Variants in MAN1C1 observed in about 807,000 individuals in gnomAD.
MAN1C1 encodes mannosidase alpha class 1C member 1, also known as mannosyl-oligosaccharide 1,2-alpha-mannosidase IC.
MAN1C1 carries 49 observed loss-of-function variants against 71.5 expected under a neutral mutation model. The ratio of observed to expected loss-of-function variants is 0.69; its 90% CI spans 0.54 to 0.87. The LOEUF is 0.87. Among genes scored for constraint, MAN1C1 ranks in the 40% least tolerant of loss-of-function variants. The pLI is 0.00. For missense variants in MAN1C1, 743 were observed against 835.0 expected (o/e 0.89, Z 1.36); for synonymous variants, 352 against 343.7 (o/e 1.02, Z -0.27).
In MAN1C1 at chr1:25,643,599, T is replaced by TTATTTATTAC. The variant is rs1182236277; in HGVS notation, c.540+25266_540+25267insTATTACTATT. 2.8e-5 allele frequency among the ~76,000 whole-genome samples: 4 copies of TTATTTATTAC among 144,746 alleles called. No homozygotes were observed. The East Asian group carries it at 8.1e-4, about 29-fold the overall frequency. 95.0% of individuals were successfully genotyped at this position (144,746 alleles called of 152,430 possible). On this transcript the variant is annotated intron_variant, in intron 1 of 11. Transcript: ENST00000374332. ...TATATATATATATTTATTATTATTA[T>TTATTTATTAC]TATTATTATTATTATTTGCCTCAGC... is the stretch of plus-strand genomic sequence containing the variant.
At position 25,779,011 on chromosome 1, in the gene MAN1C1, C is replaced by G. The variant is rs1380729408; in HGVS notation, c.1477+687C>G. Among the ~76,000 whole-genome samples, 1 of 152,202 alleles carries G rather than the reference C, an allele frequency of 6.6e-6. No homozygotes were observed. The highest frequency in any genetic ancestry group is 2.4e-5 in the African/African-American group (1 of 41,456). On this transcript the variant is annotated intron_variant, in intron 9 of 11. Transcript: ENST00000374332. This position sits in a 1 kb window ranked among gnomAD's most constrained non-coding sequence, Gnocchi z 4.6. ...CTGCACATGAGGAATTGATCCTGGG[C>G]TGGAACCCAGGCCTTCTGATGCCTG...
chr1:25,702,273 C>T (rs773082535), intron 2 of MAN1C1, among the ~76,000 whole-genome samples: 6 of 152,146 alleles, frequency 3.9e-5, no homozygotes, highest in Non-Finnish European at 7.3e-5. Flanking sequence ...GACAGCAGGG[C>T]CCACATCGCC....
At chr1:25,742,515 G>T (rs913216760) in intron 2 of MAN1C1, among the ~76,000 whole-genome samples, 1 of 152,180 alleles carries the variant, frequency 6.6e-6, no homozygotes, top group African/African-American at 2.4e-5. Context: ...CGGGAATGTA[G>T]TTGCACCCCA....
At chr1:25,644,255 G>A (rs373630135) in intron 1 of MAN1C1, among the ~76,000 whole-genome samples, 15 of 152,100 alleles carry the variant, frequency 9.9e-5, no homozygotes, top group East Asian at 5.8e-4. Context: ...AGAAAGCTCC[G>A]TGTACTGAGT....
chr1:25,752,078 G>A (rs2124351348), intron 4 of MAN1C1, among the ~76,000 whole-genome samples: 1 of 152,300 alleles, frequency 6.6e-6, no homozygotes, highest in South Asian at 2.1e-4. Flanking sequence ...TTCAGAGGGA[G>A]ACCCCCTGCT....
chr1:25,717,060 C>T (rs1212196582), intron 2 of MAN1C1, among the ~76,000 whole-genome samples: 1 of 152,076 alleles, frequency 6.6e-6, no homozygotes, highest in African/African-American at 2.4e-5. Flanking sequence ...TTATTTTTTC[C>T]ATTTGGCAAT....
intron 1 of MAN1C1, among the ~76,000 whole-genome samples, chr1:25,668,673 A>G (rs1161644076): frequency 6.6e-6 from 1 of 151,058 alleles, no homozygotes; most frequent in Non-Finnish European, 1.5e-5. Context: ...CTCCTGCCTC[A>G]GCCTCCCGAG....
At chr1:25,744,821 C>A (rs977998102) in intron 2 of MAN1C1, among the ~76,000 whole-genome samples, 2 of 152,210 alleles carry the variant, frequency 1.3e-5, no homozygotes, top group Non-Finnish European at 2.9e-5. Context: ...CCGCAAAGCC[C>A]ACGCTGCAGA....
chr1:25,683,220 C>T (rs1429274926), intron 1 of MAN1C1, among the ~76,000 whole-genome samples: 1 of 152,090 alleles, frequency 6.6e-6, no homozygotes, highest in African/African-American at 2.4e-5. Flanking sequence ...TTCTTGTGCC[C>T]CTCATAGTCC....
rs1199650464 is a variant in MAN1C1, at chr1:25,730,947, GCT to G, written c.638-15720_638-15719del. Among the ~76,000 whole-genome samples, 1 of 152,202 alleles carries G rather than the reference GCT, an allele frequency of 6.6e-6. No individual in the cohort carries two copies. The highest frequency in any genetic ancestry group is 1.5e-5 in the Non-Finnish European group (1 of 68,036). ...TTAAGTCATTTGGCTGTGGTCACAGGCTGGTAAGCCACAGAGCCAAGGCACAT... is the reference window on the plus strand; with the variant it reads ...TTAAGTCATTTGGCTGTGGTCACAGGGGTAAGCCACAGAGCCAAGGCACAT... On this transcript the variant is annotated intron_variant, in intron 2 of 11. Transcript: ENST00000374332. The surrounding 1 kb of genome is among the most constrained non-coding windows in gnomAD (Gnocchi z 4.3).
In MAN1C1 at chr1:25,771,658, C is replaced by T; in HGVS notation, c.1143C>T (p.His381=). 1 of 1,610,094 alleles carries T rather than the reference C, an allele frequency of 6.2e-7. No individual in the cohort carries two copies. The highest frequency in any genetic ancestry group is 8.5e-7 in the Non-Finnish European group (1 of 1,176,356). ...TTCTTGTCCTCTTTCCCTTCACAGA[C>T]CATGTCTCAGTTGGAGGACTCGGGG... The part of the protein sequence containing the change: ...LSPVSGNWVQ[H]HVSVGGLGDS... Residue 381 remains histidine, a splice_region_variant and synonymous_variant, in exon 8 of 12, where the codon CAC becomes CAT. Transcript: ENST00000374332.
intron 6 of MAN1C1, 170 bp downstream of exon 6, chr1:25,758,879 A>C: frequency 1.6e-6 from 1 of 627,066 alleles, no homozygotes. Context: ...CCTATACCCC[A>C]ACGCCAGGTG....
At chr1:25,691,376 ATGC>A (rs2046306876) in intron 2 of MAN1C1, among the ~76,000 whole-genome samples, 3 of 152,334 alleles carry the variant, frequency 2.0e-5, no homozygotes, top group African/African-American at 7.2e-5. Context: ...TTGCATGTGC[ATGC>A]TGCTTTGCCA....
Position 25,769,390 on chromosome 1 carries a change from T to C in MAN1C1, c.1142-2267T>C, listed in dbSNP as rs1161118422. The stretch of plus-strand genomic sequence containing the variant: ...ACTCACCCCACACCCCATACATACA[T>C]ACACACACACACACACACAAGCTGT... On this transcript the variant is annotated intron_variant, in intron 7 of 11. Transcript: ENST00000374332. This position sits in a 1 kb window ranked among gnomAD's most constrained non-coding sequence, Gnocchi z 4.8. Among the ~76,000 whole-genome samples the C allele has an allele frequency of 6.1e-5, 9 of 148,650 alleles. No homozygotes were observed. The highest frequency in any genetic ancestry group is 4.3e-4 in the South Asian group (2 of 4,666).
chr1:25,777,306 T>C (rs1188182990), intron 8 of MAN1C1, among the ~76,000 whole-genome samples: 1 of 152,180 alleles, frequency 6.6e-6, no homozygotes, highest in African/African-American at 2.4e-5. Context: ...GCCTCGAGAC[T>C]GTGTGAGCAG....
At chr1:25,675,484 G>A (rs1391225963) in intron 1 of MAN1C1, among the ~76,000 whole-genome samples, 1 of 151,398 alleles carries the variant, frequency 6.6e-6, no homozygotes, top group African/African-American at 2.4e-5. Context: ...TCCACTCATT[G>A]GTCGATGGGC....
In MAN1C1 at chr1:25,722,650, T is replaced by G. The variant is rs375108293; in HGVS notation, c.638-24018T>G. Among the ~76,000 whole-genome samples the G allele has an allele frequency of 2.9e-4, 44 of 152,384 alleles. 1 individual carries two copies. Among genetic ancestry groups the G allele is most frequent in the African/African-American group, 1.1e-3 (44 of 41,592 alleles). On this transcript the variant is annotated intron_variant, in intron 2 of 11. Coordinates refer to ENST00000374332, the MANE Select transcript of MAN1C1 (RefSeq NM_020379.4). ...CTTTAGTCTCTGATGATATTTTGTT[T>G]TTGAAGTTTTCTTCTTCCTGCAGAG...
chr1:25,643,586 TTTA>T (rs376041844), intron 1 of MAN1C1, among the ~76,000 whole-genome samples: 36 of 139,838 alleles, frequency 2.6e-4, no homozygotes, highest in South Asian at 4.4e-4. Flanking sequence ...TATATATATA[TTTA>T]TTATTATTAT....
intron 1 of MAN1C1, among the ~76,000 whole-genome samples, chr1:25,679,168 G>A (rs1421563371): frequency 1.3e-5 from 2 of 152,182 alleles, no homozygotes; most frequent in African/African-American, 2.4e-5. Flanking sequence ...TGGGAGAAGC[G>A]GGCATGAGGG....
Sources: gnomAD v4.1 joint callset for allele counts (sites outside exome capture counted in the v4.1 genomes callset) on GRCh38, gnomAD v4.1.1 for gene constraint, Gnocchi (gnomAD v3.1) non-coding constraint, MANE v1.5 for transcripts, NCBI Gene and HGNC (gene_info 2026-07-23, HGNC 2026-07-21) for gene names.